RBPJL: variants seen among roughly 807,000 people sequenced by gnomAD.
The protein encoded by RBPJL is recombining binding protein suppressor of hairless-like protein.
Under a neutral mutation model 57.6 loss-of-function variants are expected in RBPJL, and 50 were observed. That is an observed-to-expected ratio of 0.87 (90% CI 0.69 to 1.10). The LOEUF (loss-of-function observed/expected upper bound fraction) is 1.10, where lower values mean the gene tolerates loss of function less well. Ranked by LOEUF, RBPJL falls within the 50% of genes least tolerant of loss-of-function variation. The pLI, the probability that RBPJL is intolerant of heterozygous loss-of-function variation, is 0.00. For missense variants in RBPJL, 684 were observed against 693.7 expected (o/e 0.99, Z 0.16); for synonymous variants, 303 against 294.4 (o/e 1.03, Z -0.30).
chr20:45,313,077 C>A (rs1189545652), intron 6 of RBPJL, among the ~76,000 whole-genome samples: 1 of 151,774 alleles, frequency 6.6e-6, no homozygotes, highest in African/African-American at 2.4e-5. Flanking sequence ...AAGGAACAGG[C>A]AAAGGTTCCA....
intron 9 of RBPJL, chr20:45,315,905 A>G (rs1398167762): frequency 8.4e-6 from 3 of 358,712 alleles, no homozygotes; most frequent in Non-Finnish European, 1.5e-5. Context: ...GAAAGGAAAA[A>G]AGAGAGAGAA....
Position 45,309,674 on chromosome 20 carries a change from C to A in RBPJL, c.239C>A (p.Ser80Ter), listed in dbSNP as rs774960998. The A allele has an allele frequency of 3.0e-5, 48 of 1,613,522 alleles. No individual in the cohort carries two copies. Among genetic ancestry groups the A allele is most frequent in the Non-Finnish European group, 4.1e-5 (48 of 1,179,796 alleles). Reference sequence around the variant, plus strand: ...CTGCATGCCAAGGTGGCCCAGAAATCATACGGAAATGAGAAGCGGTAGGTG... The same window carrying A: ...CTGCATGCCAAGGTGGCCCAGAAATAATACGGAAATGAGAAGCGGTAGGTG... ...RILHAKVAQK[S>*]YGNEKRFFCP... The change falls in exon 3 of 12, where the codon TCA (serine) becomes TAA (stop). Residue 80 changes from serine to a stop codon, truncating the protein, a stop_gained. Transcript: ENST00000343694. LOFTEE classifies it high-confidence loss of function.
chr20:45,316,642 T>A (rs1987484699), intron 11 of RBPJL, 44 bp from the exon 12 acceptor site: 1 of 1,530,186 alleles, frequency 6.5e-7, no homozygotes, highest in African/African-American at 1.4e-5. Context: ...GGTGCACGCG[T>A]CGTCGGAGTC....
In RBPJL at chr20:45,316,644, G is replaced by T. The variant is rs138553456; in HGVS notation, c.1281-42G>T. The stretch of plus-strand genomic sequence containing the variant: ...AGCAGGGGAAGGGGGTGCACGCGTC[G>T]TCGGAGTCGCCGCAGCCCTCACCCT... On this transcript the variant is annotated intron_variant, in intron 11 of 11. Transcript: ENST00000343694. 1.0e-4 allele frequency: 161 copies of T among 1,533,380 alleles called. 2 individuals carry two copies. The East Asian group carries it at 3.8e-3, about 36-fold the overall frequency. 95.0% of individuals were successfully genotyped at this position (1,533,380 alleles called of 1,614,324 possible).
In RBPJL at chr20:45,308,815, A is replaced by G. The variant is rs77923520; in HGVS notation, c.131+564A>G. On this transcript the variant is annotated intron_variant, in intron 2 of 11. Coordinates refer to ENST00000343694, the MANE Select transcript of RBPJL (RefSeq NM_014276.4). ...TTGCTCCCTGCAATTGCTCGGGCCT[A>G]CCCACCCACACCGCTCAAGACCCCC... Among the ~76,000 whole-genome samples, 1,184 of 151,420 alleles carry G rather than the reference A, an allele frequency of 7.8e-3. 8 individuals carry two copies. Among genetic ancestry groups the G allele is most frequent in the African/African-American group, 0.026 (1,084 of 41,174 alleles).
chr20:45,313,394 C>T, intron 6 of RBPJL, 74 bp from the exon 7 acceptor site: 2 of 1,325,320 alleles, frequency 1.5e-6, no homozygotes, highest in South Asian at 1.5e-5. Flanking sequence ...AACCCCAATC[C>T]TAACCCTAAC....
chr20:45,309,701 C>G lies in RBPJL; in HGVS notation c.257+9C>G. ...TACGGAAATGAGAAGCGGTAGGTGC[C>G]TCCGCAGCCCCTCCCAGGTCTCTGC... On this transcript the variant is annotated intron_variant, in intron 3 of 11. Coordinates refer to ENST00000343694, the MANE Select transcript of RBPJL (RefSeq NM_014276.4). 1 of 1,613,310 alleles carries G rather than the reference C, an allele frequency of 6.2e-7. No homozygotes were observed. Among genetic ancestry groups the G allele is most frequent in the Non-Finnish European group, 8.5e-7 (1 of 1,179,626 alleles).
At chr20:45,309,731 G>A (rs747794837) in intron 3 of RBPJL, 39 bp downstream of exon 3, 10 of 1,610,402 alleles carry the variant, frequency 6.2e-6, no homozygotes, top group African/African-American at 1.3e-5. Context: ...CTCTGCAACT[G>A]TCAGCCCTAT....
chr20:45,314,092 G>C lies in RBPJL; in HGVS notation c.815G>C (p.Gly272Ala), dbSNP rs1158252617. The change falls in exon 8 of 12, where the codon GGC (glycine) becomes GCC (alanine). Residue 272 changes from glycine to alanine, a missense_variant. Transcript: ENST00000343694. ...CCGCGAGAGGGCTACGTTCGCTATG[G>C]CTCCCTGGTGCAGCTCGTCTGCACG... ...FPPREGYVRY[G>A]SLVQLVCTVT... 1 of 1,614,108 alleles carries C rather than the reference G, an allele frequency of 6.2e-7. No homozygotes were observed. Among genetic ancestry groups the C allele is most frequent in the African/African-American group, 1.3e-5 (1 of 74,948 alleles).
At position 45,316,483 on chromosome 20, in the gene RBPJL, GGC is replaced by G; in HGVS notation, c.1185_1186del (p.Gly397ArgfsTer72). 2 of 1,547,432 alleles carry G rather than the reference GGC, an allele frequency of 1.3e-6. No homozygotes were observed. Among genetic ancestry groups the G allele is most frequent in the Non-Finnish European group, 1.7e-6 (2 of 1,145,974 alleles). Reference sequence around the variant, plus strand: ...TGGTCCCACCCTCCCCCAGCTGAGCGGCGGGGGCGACGTGGCCACGCTGGAGC... The same window carrying G: ...TGGTCCCACCCTCCCCCAGCTGAGCGGGGGGCGACGTGGCCACGCTGGAGC... The part of the protein sequence containing the change: ...VPLISTLELS[G>X]GGDVATLELH... On this transcript the variant is annotated frameshift_variant, in exon 11 of 12. Transcript: ENST00000343694. LOFTEE classifies it high-confidence loss of function.
In RBPJL at chr20:45,311,858, G is replaced by A; in HGVS notation, c.348G>A (p.Thr116=). 1 of 1,551,708 alleles carries A rather than the reference G, an allele frequency of 6.4e-7. No homozygotes were observed. Among genetic ancestry groups the A allele is most frequent in the Non-Finnish European group, 8.7e-7 (1 of 1,146,964 alleles). ...TTCCAGCTCACCAGGCGGGGGAAACGGGGCCCACGGTCTGCGGTTACATGG... is the reference window on the plus strand; with the variant it reads ...TTCCAGCTCACCAGGCGGGGGAAACAGGGCCCACGGTCTGCGGTTACATGG... The part of the protein sequence containing the change: ...GQDQAHQAGE[T]GPTVCGYMGL... Residue 116 remains threonine (T), a synonymous_variant, in exon 5 of 12, where the codon ACG becomes ACA. Transcript: ENST00000343694.
In RBPJL at chr20:45,314,500, G is replaced by C; in HGVS notation, c.955G>C (p.Gly319Arg). The change falls in exon 9 of 12, where the codon GGC becomes CGC. Residue 319 changes from glycine (G) to arginine (R), a missense_variant. Coordinates refer to ENST00000343694, the MANE Select transcript of RBPJL (RefSeq NM_014276.4). ...QLHKCAFQFP[G>R]SPPGGGGTYL... Reference sequence around the variant, plus strand: ...GCACAAGTGTGCATTCCAGTTTCCAGGCAGTCCCCCAGGAGGGGGTGGCAC... The same window carrying C: ...GCACAAGTGTGCATTCCAGTTTCCACGCAGTCCCCCAGGAGGGGGTGGCAC... 4 of 1,614,222 alleles carry C rather than the reference G, an allele frequency of 2.5e-6. No individual in the cohort carries two copies. The highest frequency in any genetic ancestry group is 3.4e-6 in the Non-Finnish European group (4 of 1,180,040).
In RBPJL at chr20:45,310,806, G is replaced by C. The variant is rs140164125; in HGVS notation, c.258-783G>C. ...GGATTTTAAGGAGTTAACATGATTT[G>C]ACTCATGTTTTTAACAAAACACTCT... On this transcript the variant is annotated intron_variant, in intron 3 of 11. Coordinates refer to ENST00000343694, the MANE Select transcript of RBPJL (RefSeq NM_014276.4). 2.8e-3 allele frequency among the ~76,000 whole-genome samples: 431 copies of C among 152,094 alleles called. 1 individual carries two copies. Among genetic ancestry groups the C allele is most frequent in the Middle Eastern group, 6.8e-3 (2 of 294 alleles).
Position 45,309,553 on chromosome 20 carries a change from T to C in RBPJL, c.132-14T>C, listed in dbSNP as rs1163807852. 3 of 1,598,884 alleles carry C rather than the reference T, an allele frequency of 1.9e-6. No individual in the cohort carries two copies. Among genetic ancestry groups the C allele is most frequent in the Non-Finnish European group, 2.6e-6 (3 of 1,172,258 alleles). ...CCCTCCTGTGGCTGGTCGACCTGCC[T>C]GCCCTACTCCCAGGTCATCCCCAGA... is the stretch of plus-strand genomic sequence containing the variant. On this transcript the variant is annotated splice_polypyrimidine_tract_variant and intron_variant, in intron 2 of 11. Coordinates refer to ENST00000343694, the MANE Select transcript of RBPJL (RefSeq NM_014276.4).
At chr20:45,307,000 C>T (rs867575973) in intron 1 of RBPJL, 56 bp downstream of exon 1, 14 of 1,022,188 alleles carry the variant, frequency 1.4e-5, no homozygotes, top group Non-Finnish European at 1.8e-5. Flanking sequence ...TACGAAGGAC[C>T]ACCCCCCCAC....
At chr20:45,308,494 A>G (rs556028974) in intron 2 of RBPJL, 5 of 533,424 alleles carry the variant, frequency 9.4e-6, no homozygotes, top group African/African-American at 1.9e-5. Flanking sequence ...GAATTCAGCT[A>G]CAGCGGGAGA....
Position 45,313,602 on chromosome 20 carries a change from C to A in RBPJL, c.754C>A (p.Leu252Met). Residue 252 changes from leucine (L) to methionine (M), a missense_variant, in exon 7 of 12, where the codon CTG becomes ATG. By Grantham distance (15) the Leu-to-Met change is conservative (BLOSUM62 2). Coordinates refer to ENST00000343694, the MANE Select transcript of RBPJL (RefSeq NM_014276.4). ...ARQWAAFTLHLADGHSAQGDF... is the reference protein window; with the variant it reads ...ARQWAAFTLHMADGHSAQGDF... ...ACAGTGGGCTGCCTTCACGCTCCACCTGGGTAATGACATCTGCAGGCCCTG... is the reference window on the plus strand; with the variant it reads ...ACAGTGGGCTGCCTTCACGCTCCACATGGGTAATGACATCTGCAGGCCCTG... 6.2e-7 allele frequency: 1 copy of A among 1,606,796 alleles called. No individual in the cohort carries two copies.
At chr20:45,308,624 C>T in intron 2 of RBPJL, 1 of 252,188 alleles carries the variant, frequency 4.0e-6, no homozygotes, top group Non-Finnish European at 7.9e-6. Flanking sequence ...GCCTGTCTGG[C>T]CTGGCTTTCG....
intron 8 of RBPJL, 117 bp from the exon 9 acceptor site, chr20:45,314,296 A>G: frequency 7.6e-7 from 1 of 1,320,730 alleles, no homozygotes; most frequent in East Asian, 2.3e-5. Flanking sequence ...GTCAAAGGGC[A>G]GGGGGAATCT....
Sources: gnomAD v4.1 joint callset for allele counts (sites outside exome capture counted in the v4.1 genomes callset) on GRCh38, gnomAD v4.1.1 for gene constraint, MANE v1.5 for transcripts, NCBI Gene and HGNC (gene_info 2026-07-23, HGNC 2026-07-21) for gene names.